GABRG3: variants seen among roughly 807,000 people sequenced by gnomAD.
GABRG3 encodes the protein gamma-aminobutyric acid type A receptor subunit gamma3, also known as gamma-aminobutyric acid receptor subunit gamma-3.
In GABRG3, 25 loss-of-function variants were observed where a neutral mutation model predicts 48.8. That is an observed-to-expected ratio of 0.51 (90% CI 0.37 to 0.72). GABRG3 has a LOEUF of 0.72. GABRG3 is among the 30% of genes least tolerant of loss of function. The probability of loss-of-function intolerance (pLI) is 0.00; values close to 1 mark genes in which losing one functional copy is unlikely to be tolerated. For missense variants in GABRG3, 394 were observed against 577.9 expected, an observed-to-expected ratio of 0.68 and a Z score of 3.26; for synonymous variants, 227 against 217.6, an observed-to-expected ratio of 1.04 and a Z score of -0.38.
intron 6 of GABRG3, among the ~76,000 whole-genome samples, chr15:27,485,139 G>A (rs1890190861): frequency 6.6e-6 from 1 of 152,174 alleles, no homozygotes; most frequent in Admixed American, 6.5e-5. Flanking sequence ...CGGTGAACAT[G>A]GTCAGTGATT....
At chr15:27,393,356 A>AG (rs1367689388) in intron 5 of GABRG3, among the ~76,000 whole-genome samples, 38 of 149,566 alleles carry the variant, frequency 2.5e-4, no homozygotes, top group East Asian at 1.6e-3. Flanking sequence ...AAAAAAAAAA[A>AG]AAAAAAGAAA....
At chr15:27,462,307 G>A (rs779485216) in intron 5 of GABRG3, among the ~76,000 whole-genome samples, 12 of 152,080 alleles carry the variant, frequency 7.9e-5, no homozygotes, top group Non-Finnish European at 1.2e-4. Flanking sequence ...TGCTATATCC[G>A]TGTTATTTCT....
chr15:27,529,273 A>C (rs1208737503), intron 9 of GABRG3, among the ~76,000 whole-genome samples: 1 of 152,176 alleles, frequency 6.6e-6, no homozygotes, highest in African/African-American at 2.4e-5. Flanking sequence ...ACAAGTCCGA[A>C]TTTCTTTTGG....
chr15:27,077,182 G>A (rs952239580), intron 3 of GABRG3, among the ~76,000 whole-genome samples: 2 of 152,192 alleles, frequency 1.3e-5, no homozygotes, highest in Non-Finnish European at 2.9e-5. Flanking sequence ...GTTCGTGGAG[G>A]AGAGAGTTTC....
intron 7 of GABRG3, among the ~76,000 whole-genome samples, chr15:27,524,113 G>A (rs1891220055): frequency 6.6e-6 from 1 of 152,018 alleles, no homozygotes; most frequent in Admixed American, 6.5e-5. Context: ...AAAAACTGAA[G>A]AAAAATTATT....
Position 27,344,331 on chromosome 15 carries a change from C to T in GABRG3, c.574+15443C>T, listed in dbSNP as rs1004720109. Among the ~76,000 whole-genome samples the T allele has an allele frequency of 2.0e-5, 3 of 152,118 alleles. No individual in the cohort carries two copies. In the South Asian group the frequency reaches 6.2e-4, roughly 31 times the overall value. ...ATACCTTAGCACTGTGAGGTGGTGACCTGTTTTTATTTTTGTCTCTGTAGA... is the reference window on the plus strand; with the variant it reads ...ATACCTTAGCACTGTGAGGTGGTGATCTGTTTTTATTTTTGTCTCTGTAGA... On this transcript the variant is annotated intron_variant, in intron 5 of 9. Coordinates refer to ENST00000615808, the MANE Select transcript of GABRG3 (RefSeq NM_033223.5).
intron 5 of GABRG3, among the ~76,000 whole-genome samples, chr15:27,351,282 T>C (rs558446756): frequency 3.5e-4 from 51 of 144,794 alleles, no homozygotes; most frequent in Admixed American, 2.1e-3. Context: ...TGTGTGTATA[T>C]GTTGTGTGTA....
chr15:27,139,983 C>T (rs139821712), intron 3 of GABRG3, among the ~76,000 whole-genome samples: 166 of 152,258 alleles, frequency 1.1e-3, no homozygotes, highest in Non-Finnish European at 1.9e-3. Flanking sequence ...AGAGAGCTTC[C>T]GGACAGGTGA....
intron 7 of GABRG3, among the ~76,000 whole-genome samples, chr15:27,525,579 A>C (rs966208313): frequency 6.6e-6 from 1 of 152,214 alleles, no homozygotes; most frequent in Non-Finnish European, 1.5e-5. Context: ...TACATCTGGA[A>C]TACAGGCCAC....
intron 5 of GABRG3, among the ~76,000 whole-genome samples, chr15:27,388,141 GGTAAGGAAGGAAGGAA>G (rs1465453319): frequency 4.5e-5 from 4 of 89,024 alleles, no homozygotes; most frequent in African/African-American, 1.2e-4. Flanking sequence ...AGGGAGGGAG[GGTAAGGAAGGAAGGAA>G]GAAAGGAAGG....
intron 3 of GABRG3, among the ~76,000 whole-genome samples, chr15:27,264,868 C>T (rs558005997): frequency 6.6e-6 from 1 of 151,976 alleles, no homozygotes; most frequent in Non-Finnish European, 1.5e-5. Context: ...ATAACTGAAT[C>T]TAACTCACCC....
intron 6 of GABRG3, 104 bp downstream of exon 6, chr15:27,480,891 A>G (rs1890086776): frequency 2.0e-6 from 3 of 1,467,922 alleles, no homozygotes; most frequent in Non-Finnish European, 2.7e-6. Flanking sequence ...ACCATGATAC[A>G]TAAGTGATAT....
chr15:27,079,791 A>G (rs1167962834), intron 3 of GABRG3, among the ~76,000 whole-genome samples: 1 of 152,230 alleles, frequency 6.6e-6, no homozygotes, highest in Non-Finnish European at 1.5e-5. Flanking sequence ...AAACTGGATC[A>G]TGCAAGCCTC....
In GABRG3 at chr15:27,099,758, GAGAAGT is replaced by G. The variant is rs760383024; in HGVS notation, c.270+72943_270+72948del. 3.7e-4 allele frequency among the ~76,000 whole-genome samples: 56 copies of G among 151,696 alleles called. 1 individual carries two copies. Among genetic ancestry groups the G allele is most frequent in the Admixed American group, 2.6e-4 (4 of 15,240 alleles). On this transcript the variant is annotated intron_variant, in intron 3 of 9. Coordinates refer to ENST00000615808, the MANE Select transcript of GABRG3 (RefSeq NM_033223.5). ...TGTTCAAGAATCCCTGGAAAGATAA[GAGAAGT>G]AGAAGAATGAGAAACAAAGGGGAGG...
intron 3 of GABRG3, among the ~76,000 whole-genome samples, chr15:27,237,479 C>T (rs552990186): frequency 7.2e-5 from 11 of 152,220 alleles, no homozygotes; most frequent in Admixed American, 2.0e-4. Flanking sequence ...CGCCAGCAGC[C>T]GGCAGTCGCC....
chr15:27,406,170 A>C (rs1453695123), intron 5 of GABRG3, among the ~76,000 whole-genome samples: 2 of 152,142 alleles, frequency 1.3e-5, no homozygotes. Flanking sequence ...CCCCCAAAAT[A>C]AAATATACAC....
At chr15:27,198,235 T>A (rs373166813) in intron 3 of GABRG3, among the ~76,000 whole-genome samples, 21 of 152,128 alleles carry the variant, frequency 1.4e-4, no homozygotes, top group South Asian at 2.1e-4. Flanking sequence ...GGAGAAAACT[T>A]TTGCAGTCTA....
At chr15:27,375,666 C>T (rs923440042) in intron 5 of GABRG3, among the ~76,000 whole-genome samples, 13 of 152,148 alleles carry the variant, frequency 8.5e-5, no homozygotes, top group African/African-American at 3.1e-4. Context: ...TGCAGGGAGA[C>T]TCCCATTTTT....
rs539307497 is a variant in GABRG3, at chr15:27,171,523, T to C, written c.270+144702T>C. On this transcript the variant is annotated intron_variant, in intron 3 of 9. Coordinates refer to ENST00000615808, the MANE Select transcript of GABRG3 (RefSeq NM_033223.5). Reference sequence around the variant, plus strand: ...CATGTCTAACATATATATATATATATACATATACAGATGTATACACATGTA... The same window carrying C: ...CATGTCTAACATATATATATATATACACATATACAGATGTATACACATGTA... Among the ~76,000 whole-genome samples, 12 of 147,078 alleles carry C rather than the reference T, an allele frequency of 8.2e-5. No homozygotes were observed. In the East Asian group the frequency reaches 1.4e-3, roughly 17 times the overall value.
Sources: gnomAD v4.1 joint callset for allele counts (sites outside exome capture counted in the v4.1 genomes callset) on GRCh38, gnomAD v4.1.1 for gene constraint, MANE v1.5 for transcripts, NCBI Gene and HGNC (gene_info 2026-07-23, HGNC 2026-07-21) for gene names.